The following MYO7A variants were observed in gnomAD, a reference collection of about 807,000 sequenced individuals.
MYO7A encodes the protein unconventional myosin-VIIa.
A neutral mutation model predicts 263.8 loss-of-function variants in MYO7A; 210 were observed. That is an observed-to-expected ratio of 0.80 (90% CI 0.71 to 0.89). The LOEUF (loss-of-function observed/expected upper bound fraction) is 0.89. MYO7A is among the 40% of genes least tolerant of loss of function. MYO7A has a pLI of 0.00. For synonymous variants in MYO7A, 1,239 were observed against 1,197.3 expected (o/e 1.03, Z -0.72); for missense variants, 2,820 against 2,968.3 (o/e 0.95, Z 1.16).
chr11:77,191,750 G>A (rs1829425412), intron 30 of MYO7A, among the ~76,000 whole-genome samples: 1 of 152,214 alleles, frequency 6.6e-6, no homozygotes, highest in Non-Finnish European at 1.5e-5. Context: ...CAGTTTGCCT[G>A]GATTTTTCTC....
chr11:77,187,566 G>A (rs1314362589), intron 27 of MYO7A, among the ~76,000 whole-genome samples: 3 of 152,158 alleles, frequency 2.0e-5, no homozygotes, highest in African/African-American at 7.2e-5. Context: ...AGGTTACTGT[G>A]CCTGGGAATC....
chr11:77,132,749 A>G (rs2135533923), intron 2 of MYO7A, among the ~76,000 whole-genome samples: 1 of 152,286 alleles, frequency 6.6e-6, no homozygotes, highest in East Asian at 1.9e-4. Flanking sequence ...GGCCTCCCAA[A>G]GTACTGGGAT....
In MYO7A at chr11:77,162,108, G is replaced by A. The variant is rs1555069212; in HGVS notation, c.1344-12G>A. The A allele has an allele frequency of 5.0e-6, 8 of 1,588,822 alleles. No individual in the cohort carries two copies. The Middle Eastern group carries it at 5.3e-4, about 106-fold the overall frequency. ...TGAACAACACCCTTACCCCATCCCT[G>A]TGCCCCTGCAGCTTTGAGCAGCTCT... On this transcript the variant is annotated splice_polypyrimidine_tract_variant and intron_variant, in intron 12 of 48. Transcript: ENST00000409709.
In MYO7A at chr11:77,184,701, G is replaced by A. The variant is rs1555087287; in HGVS notation, c.3489G>A (p.Leu1163=). 1.9e-6 allele frequency: 3 copies of A among 1,600,402 alleles called. No individual in the cohort carries two copies. ...KLHFIIGNGI[L]RPALRDEIYC... ...ACTTCATCATCGGCAATGGCATCCT[G>A]CGGCCAGCACTCCGGTCAGTGCCGG... Residue 1163 remains leucine (L), a synonymous_variant, in exon 27 of 49, where the codon CTG becomes CTA. Transcript: ENST00000409709.
chr11:77,212,174 T>C, intron 46 of MYO7A: 1 of 637,224 alleles, frequency 1.6e-6, no homozygotes, highest in Non-Finnish European at 2.9e-6. Context: ...GTAAACAGGC[T>C]GGGGTAATGG....
At chr11:77,182,624 T>C in intron 25 of MYO7A, 24 bp downstream of exon 25, 3 of 1,612,014 alleles carry the variant, frequency 1.9e-6, no homozygotes, top group Admixed American at 1.7e-5. Flanking sequence ...GCCCTCTGGA[T>C]GATGTCCCTC....
intron 42 of MYO7A, among the ~76,000 whole-genome samples, chr11:77,207,707 G>A (rs915593634): frequency 1.3e-5 from 2 of 152,170 alleles, no homozygotes; most frequent in African/African-American, 2.4e-5. Flanking sequence ...GCTTTGACTG[G>A]CCCTTAATTG....
chr11:77,182,312 G>A (rs1261738792), intron 24 of MYO7A, 112 bp from the exon 25 acceptor site: 7 of 1,448,050 alleles, frequency 4.8e-6, no homozygotes, highest in Non-Finnish European at 5.5e-6. Context: ...CAGCCTGAGG[G>A]CTGACCATGC....
intron 4 of MYO7A, 48 bp downstream of exon 4, chr11:77,147,998 C>T: frequency 1.4e-6 from 2 of 1,453,992 alleles, no homozygotes; most frequent in Non-Finnish European, 1.8e-6. Context: ...TCAGGCCCCG[C>T]CCCGCCCACC....
intron 36 of MYO7A, 139 bp downstream of exon 36, chr11:77,201,777 A>G (rs1957080452): frequency 1.1e-6 from 1 of 894,334 alleles, no homozygotes; most frequent in South Asian, 1.7e-5. Flanking sequence ...ACACATTTAA[A>G]GTTGGGGCAG....
chr11:77,188,761 CTTAA>C (rs879964670), intron 27 of MYO7A, among the ~76,000 whole-genome samples: 2 of 152,190 alleles, frequency 1.3e-5, no homozygotes, highest in Non-Finnish European at 2.9e-5. Context: ...AAAAAATTAC[CTTAA>C]TTGTTTTCAT....
chr11:77,158,565 C>T (rs1397155417), intron 9 of MYO7A, 135 bp downstream of exon 9: 8 of 1,157,478 alleles, frequency 6.9e-6, no homozygotes, highest in Admixed American at 5.5e-5. Flanking sequence ...GGGAAGAATT[C>T]GCCTGTGGGT....
chr11:77,211,624 C>T (rs913179934), intron 45 of MYO7A, among the ~76,000 whole-genome samples, 197 bp from the exon 46 acceptor site: 4 of 152,142 alleles, frequency 2.6e-5, no homozygotes, highest in East Asian at 1.9e-4. Flanking sequence ...GAAGGGAGGT[C>T]GGGAGTCCAT....
Position 77,175,430 on chromosome 11 carries a change from A to T in MYO7A, c.2153A>T (p.Asp718Val). ...MAEAVLGTHD[D>V]WQIGKTKIFL... The stretch of plus-strand genomic sequence containing the variant: ...GAGGCTGTGCTGGGCACCCACGATG[A>T]CTGGCAGATAGGCAAAACCAAGATC... Residue 718 changes from aspartate (D) to valine (V), a missense_variant, in exon 18 of 49, where the codon GAC (aspartate) becomes GTC (valine). Transcript: ENST00000409709. 2 of 1,613,368 alleles carry T rather than the reference A, an allele frequency of 1.2e-6. No individual in the cohort carries two copies. Among genetic ancestry groups the T allele is most frequent in the Non-Finnish European group, 1.7e-6 (2 of 1,179,868 alleles).
At chr11:77,180,275 C>A in intron 21 of MYO7A, 99 bp from the exon 22 acceptor site, 6 of 512,806 alleles carry the variant, frequency 1.2e-5, no homozygotes, top group Non-Finnish European at 1.5e-5. Context: ...AAGTCATGCC[C>A]AGTTCCAGAA....
chr11:77,214,490 G>A, intron 48 of MYO7A, 117 bp from the exon 49 acceptor site: 1 of 753,426 alleles, frequency 1.3e-6, no homozygotes, highest in Admixed American at 2.1e-5. Flanking sequence ...CTGAGTAGGA[G>A]GGATTTGCCT....
Position 77,161,071 on chromosome 11 carries a change from C to T in MYO7A, c.1299C>T (p.Ile433=), listed in dbSNP as rs782163200. The T allele has an allele frequency of 7.6e-5, 122 of 1,613,846 alleles. 1 individual carries two copies. The highest frequency in any genetic ancestry group is 2.2e-4 in the South Asian group (20 of 91,078). ...ATGTGAAGAACTCTCGCAGGTCCATCGGCCTCCTGGACATCTTTGGGTTTG... is the reference window on the plus strand; with the variant it reads ...ATGTGAAGAACTCTCGCAGGTCCATTGGCCTCCTGGACATCTTTGGGTTTG... The part of the protein sequence containing the change: ...SQDVKNSRRS[I]GLLDIFGFEN... Residue 433 remains isoleucine, a synonymous_variant, in exon 12 of 49, where the codon ATC becomes ATT. Coordinates refer to ENST00000409709, the MANE Select transcript of MYO7A (RefSeq NM_000260.4).
chr11:77,172,460 G>A (rs1408778961), intron 15 of MYO7A, among the ~76,000 whole-genome samples: 2 of 152,180 alleles, frequency 1.3e-5, no homozygotes, highest in African/African-American at 4.8e-5. Context: ...CCAGGTGCAG[G>A]GGCAGGCTTG....
chr11:77,177,823 A>G lies in MYO7A; in HGVS notation c.2282+180A>G, dbSNP rs376537150. On this transcript the variant is annotated intron_variant, in intron 19 of 48. Coordinates refer to ENST00000409709, the MANE Select transcript of MYO7A (RefSeq NM_000260.4). ...TGTAAACACAGAGGAACATAGATAC[A>G]TGATTTACATGGACCCATTGTGCCA... Among the ~76,000 whole-genome samples the G allele has an allele frequency of 8.2e-4, 125 of 152,276 alleles. 1 individual carries two copies. Among genetic ancestry groups the G allele is most frequent in the African/African-American group, 2.9e-3 (121 of 41,538 alleles).
Sources: allele counts gnomAD v4.1 joint callset (sites outside exome capture counted in the v4.1 genomes callset), GRCh38; gene constraint gnomAD v4.1.1; transcripts MANE v1.5; gene names NCBI Gene and HGNC (gene_info 2026-07-23, HGNC 2026-07-21).